CSTPP1: variants seen among roughly 807,000 people sequenced by gnomAD.
CSTPP1 encodes UPF0705 protein C11orf49.
chr11:47,161,569 C>A, the CSTPP1 span: 1 of 1,614,126 alleles, frequency 6.2e-7, no homozygotes, highest in Non-Finnish European at 8.5e-7. Flanking sequence ...GGAGACCTCT[C>A]CATCATTCCC....
chr11:47,126,309 G>A, the CSTPP1 span, among the ~76,000 whole-genome samples: 4 of 152,018 alleles, frequency 2.6e-5, no homozygotes, highest in Non-Finnish European at 5.9e-5. Context: ...AATAGCTAGT[G>A]GGAGATTTAA....
At chr11:47,130,346 G>A in the CSTPP1 span, among the ~76,000 whole-genome samples, 12,374 of 152,108 alleles carry the variant, frequency 0.081, 513 homozygotes, top group Non-Finnish European at 0.09. Flanking sequence ...AGCTGGCAAA[G>A]GGTAGTGTTC....
At chr11:47,145,028 A>G in the CSTPP1 span, among the ~76,000 whole-genome samples, 10 of 119,590 alleles carry the variant, frequency 8.4e-5, no homozygotes, top group African/African-American at 3.0e-4. Context: ...TTGCTCTGTC[A>G]CCAGGCTGGA....
the CSTPP1 span, among the ~76,000 whole-genome samples, chr11:46,948,833 G>T: frequency 1.3e-5 from 2 of 152,126 alleles, no homozygotes; most frequent in African/African-American, 4.8e-5. Flanking sequence ...CATGACTCCA[G>T]TCCTTTTTGG....
At chr11:46,955,855 G>A in the CSTPP1 span, among the ~76,000 whole-genome samples, 11 of 152,026 alleles carry the variant, frequency 7.2e-5, no homozygotes, top group African/African-American at 1.4e-4. Context: ...AGCTGGGCGC[G>A]GCGGGTGCCT....
At chr11:47,033,941 AT>A in the CSTPP1 span, among the ~76,000 whole-genome samples, 6 of 151,994 alleles carry the variant, frequency 3.9e-5, no homozygotes, top group African/African-American at 1.2e-4. Context: ...GGCCAGGGAC[AT>A]TGTCCAATTC....
chr11:47,017,885 C>G, the CSTPP1 span, among the ~76,000 whole-genome samples: 1 of 151,724 alleles, frequency 6.6e-6, no homozygotes, highest in Admixed American at 6.6e-5. Flanking sequence ...CCAGGCTGGT[C>G]TCGAACTCCT....
the CSTPP1 span, among the ~76,000 whole-genome samples, chr11:47,122,517 A>G: frequency 2.0e-5 from 3 of 152,302 alleles, no homozygotes; most frequent in South Asian, 4.1e-4. Flanking sequence ...CTTTGTTAAG[A>G]TACAATTTAT....
the CSTPP1 span, among the ~76,000 whole-genome samples, chr11:47,141,661 T>C: frequency 6.7e-6 from 1 of 149,338 alleles, no homozygotes; most frequent in East Asian, 2.0e-4. Flanking sequence ...TGGCCAGGCA[T>C]AGTGGCTCAC....
chr11:47,073,122 T>G, the CSTPP1 span, among the ~76,000 whole-genome samples: 2 of 152,244 alleles, frequency 1.3e-5, no homozygotes, highest in Non-Finnish European at 2.9e-5. Flanking sequence ...TATAACATTT[T>G]TATAATCATA....
chr11:47,131,225 T>C, the CSTPP1 span, among the ~76,000 whole-genome samples: 1 of 152,208 alleles, frequency 6.6e-6, no homozygotes, highest in South Asian at 2.1e-4. Context: ...TATTCTTTAG[T>C]GACACCACTG....
the CSTPP1 span, among the ~76,000 whole-genome samples, chr11:46,941,646 T>A: frequency 2.6e-5 from 4 of 152,154 alleles, no homozygotes; most frequent in African/African-American, 4.8e-5. Flanking sequence ...GGCCAACCTA[T>A]TCACCCTCAA....
At chr11:47,094,422 T>G in the CSTPP1 span, among the ~76,000 whole-genome samples, 112 of 152,120 alleles carry the variant, frequency 7.4e-4, 2 homozygotes, top group South Asian at 0.02. Context: ...CTAACAAAAT[T>G]AGGAACCTAA....
chr11:46,978,765 C>T, the CSTPP1 span, among the ~76,000 whole-genome samples: 1 of 152,132 alleles, frequency 6.6e-6, no homozygotes, highest in Non-Finnish European at 1.5e-5. Flanking sequence ...ATGTGAGACT[C>T]TTATTTGAAA....
chr11:47,001,994 T>C, the CSTPP1 span, among the ~76,000 whole-genome samples: 2 of 152,162 alleles, frequency 1.3e-5, no homozygotes, highest in African/African-American at 2.4e-5. Context: ...TACGTTAAAT[T>C]GAGCCAAAAT....
chr11:47,008,606 G>T, the CSTPP1 span, among the ~76,000 whole-genome samples: 6 of 152,184 alleles, frequency 3.9e-5, no homozygotes, highest in East Asian at 1.2e-3. Context: ...CTCCTAAAGT[G>T]CTGGGATTAC....
the CSTPP1 span, among the ~76,000 whole-genome samples, chr11:47,055,413 A>G: frequency 7.6e-6 from 1 of 130,816 alleles, no homozygotes; most frequent in Admixed American, 9.5e-5. Context: ...GTCAGTGAAT[A>G]GGTAGTCTCC....
chr11:47,157,217 A>T, the CSTPP1 span: 1 of 1,571,874 alleles, frequency 6.4e-7, no homozygotes, highest in Non-Finnish European at 8.6e-7. Flanking sequence ...GCACAAGTAC[A>T]GGTGAGGAAC....
chr11:47,160,949 C>A, the CSTPP1 span: 2 of 734,510 alleles, frequency 2.7e-6, no homozygotes, highest in Non-Finnish European at 4.4e-6. Context: ...TATCAAGCAA[C>A]AGCGAGCACC....
Sources: gnomAD v4.1 joint callset for allele counts (sites outside exome capture counted in the v4.1 genomes callset) on GRCh38, gnomAD v4.1.1 for gene constraint, MANE v1.5 for transcripts, NCBI Gene and HGNC (gene_info 2026-07-23, HGNC 2026-07-21) for gene names.